TRPC5: variants seen among roughly 807,000 people sequenced by gnomAD.
The protein encoded by TRPC5 is short transient receptor potential channel 5.
A neutral mutation model predicts 56.5 loss-of-function variants in TRPC5; 9 were observed. The ratio of observed to expected loss-of-function variants is 0.16; its 90% CI spans 0.10 to 0.28. The LOEUF is 0.28. Ranked by LOEUF, TRPC5 falls within the 10% of genes least tolerant of loss-of-function variation. The probability of loss-of-function intolerance (pLI) is 1.00; values close to 1 mark genes in which losing one functional copy is unlikely to be tolerated. For synonymous variants in TRPC5, 282 were observed against 278.5 expected, an observed-to-expected ratio of 1.01 and a Z score of -0.13; for missense variants, 469 against 748.9, an observed-to-expected ratio of 0.63 and a Z score of 4.36.
At chrX:111,884,072 G>A (rs1924357007) in intron 3 of TRPC5, among the ~76,000 whole-genome samples, 1 of 112,380 alleles carries the variant, frequency 8.9e-6, no homozygotes, top group Non-Finnish European at 1.9e-5. Context: ...TCAGAGCCTA[G>A]GTAAGGCTTA....
chrX:112,076,881 T>C (rs1299548687), intron 1 of TRPC5, among the ~76,000 whole-genome samples: 6 of 112,119 alleles, frequency 5.4e-5, no homozygotes, highest in Non-Finnish European at 9.4e-5. Context: ...TTGTATATCT[T>C]AGCATTCTAT....
intron 7 of TRPC5, among the ~76,000 whole-genome samples, chrX:111,786,462 T>C (rs773918397): frequency 1.8e-5 from 2 of 111,591 alleles, no homozygotes; most frequent in Non-Finnish European, 3.8e-5. Flanking sequence ...TGCAAAAATA[T>C]GCCAAATTGT....
chrX:111,803,454 T>C (rs928547529), intron 7 of TRPC5, among the ~76,000 whole-genome samples: 29 of 112,202 alleles, frequency 2.6e-4, no homozygotes, highest in African/African-American at 8.8e-4. Flanking sequence ...CTGGTTGAAC[T>C]AATTTACACT....
chrX:111,957,446 T>C (rs1193269926), intron 1 of TRPC5, among the ~76,000 whole-genome samples: 2 of 112,425 alleles, frequency 1.8e-5, no homozygotes, highest in African/African-American at 6.5e-5. Flanking sequence ...AAATGTTTTG[T>C]ATACATTATT....
Position 112,036,963 on chromosome X carries a change from A to G in TRPC5, c.-22+44916T>C, listed in dbSNP as rs144688794. Among the ~76,000 whole-genome samples the G allele has an allele frequency of 8.1e-3, 905 of 111,167 alleles. 7 individuals carry two copies. Among genetic ancestry groups the G allele is most frequent in the African/African-American group, 0.028 (861 of 30,516 alleles). On this transcript the variant is annotated intron_variant, in intron 1 of 10. Transcript: ENST00000262839. ...TGACTGTTGCTGAGTAGTGAGAAAG[A>G]CTCTACTAATGATCAAGGCAATGGG...
intron 7 of TRPC5, among the ~76,000 whole-genome samples, chrX:111,819,133 G>A (rs1921955298): frequency 9.0e-6 from 1 of 111,609 alleles, no homozygotes; most frequent in African/African-American, 3.3e-5. Context: ...CCGGCATCAG[G>A]AAGGTTCCTG....
intron 1 of TRPC5, among the ~76,000 whole-genome samples, chrX:111,969,069 T>A (rs1927706466): frequency 9.3e-6 from 1 of 107,266 alleles, no homozygotes; most frequent in Non-Finnish European, 1.9e-5. Context: ...CAAAAAAAAT[T>A]GCCACAGCCA....
intron 1 of TRPC5, among the ~76,000 whole-genome samples, chrX:112,038,757 C>T (rs911929625): frequency 3.7e-5 from 4 of 109,404 alleles, no homozygotes; most frequent in African/African-American, 1.3e-4. Flanking sequence ...TCTCGGCTCA[C>T]TGCAAGCTCC....
chrX:112,054,488 G>A (rs1930293552), intron 1 of TRPC5, among the ~76,000 whole-genome samples: 1 of 110,413 alleles, frequency 9.1e-6, no homozygotes, highest in Non-Finnish European at 1.9e-5. Context: ...TCAAGATGTG[G>A]GTAAACATAC....
At chrX:112,063,070 A>G (rs1930496107) in intron 1 of TRPC5, among the ~76,000 whole-genome samples, 2 of 112,024 alleles carry the variant, frequency 1.8e-5, no homozygotes, top group African/African-American at 6.5e-5. Context: ...GAGACTGAGG[A>G]ATAGTGGTGG....
intron 1 of TRPC5, among the ~76,000 whole-genome samples, chrX:111,957,528 G>C (rs1388992201): frequency 8.9e-6 from 1 of 111,890 alleles, no homozygotes; most frequent in Non-Finnish European, 1.9e-5. Context: ...CTGAAGCACA[G>C]AGAGGTTAAG....
At chrX:111,894,764 A>C (rs1924977929) in intron 3 of TRPC5, among the ~76,000 whole-genome samples, 1 of 111,521 alleles carries the variant, frequency 9.0e-6, no homozygotes, top group Admixed American at 9.5e-5. Flanking sequence ...GCATATAGTA[A>C]ATTGCGCAAA....
intron 1 of TRPC5, among the ~76,000 whole-genome samples, chrX:112,071,368 T>C (rs1480502036): frequency 9.0e-6 from 1 of 110,913 alleles, no homozygotes; most frequent in South Asian, 3.8e-4. Flanking sequence ...ATGAGATAAA[T>C]ACCATTTTAA....
At chrX:112,000,131 A>G (rs889822262) in intron 1 of TRPC5, among the ~76,000 whole-genome samples, 12 of 111,958 alleles carry the variant, frequency 1.1e-4, no homozygotes, top group African/African-American at 3.9e-4. Context: ...TGCCACTGTG[A>G]TATTAATCTT....
chrX:111,818,048 C>G (rs1921916452), intron 7 of TRPC5, among the ~76,000 whole-genome samples: 1 of 111,307 alleles, frequency 9.0e-6, no homozygotes, highest in African/African-American at 3.3e-5. Context: ...ACATCAATAC[C>G]CACTGAACAA....
At position 111,776,996 on chromosome X, in the gene TRPC5, T is replaced by C; in HGVS notation, c.2239A>G (p.Lys747Glu). ...TACCGAAAGCTGGAGATGTCTTGCT[T>C]TAATTCCTGGGAAAAGAGAGGAGAC... is the stretch of plus-strand genomic sequence containing the variant. ...GLTEENFKELKQDISSFRYEV... is the reference protein window; with the variant it reads ...GLTEENFKELEQDISSFRYEV... Residue 747 changes from lysine to glutamate, a missense_variant, in exon 11 of 11, where the codon AAG becomes GAG. This residue lies in a region of TRPC5 where 194 missense variants were observed against 221.8 expected (regional missense o/e 0.87). Coordinates refer to ENST00000262839, the MANE Select transcript of TRPC5 (RefSeq NM_012471.3). The C allele has an allele frequency of 8.8e-7, 1 of 1,131,641 alleles. No individual in the cohort carries two copies. Among genetic ancestry groups the C allele is most frequent in the Non-Finnish European group, 1.2e-6 (1 of 857,661 alleles). 93.3% of individuals were successfully genotyped at this position (1,131,641 alleles called of 1,213,427 possible). A position where few individuals can be genotyped will look rare whatever the true frequency, so the allele number is the denominator to read the frequency against.
intron 1 of TRPC5, among the ~76,000 whole-genome samples, chrX:112,057,588 C>T (rs957757175): frequency 8.9e-6 from 1 of 111,809 alleles, no homozygotes; most frequent in African/African-American, 3.3e-5. Flanking sequence ...ATTGATTCCA[C>T]GTTCCTATGT....
chrX:111,865,068 G>A (rs57523725), intron 3 of TRPC5, among the ~76,000 whole-genome samples: 10,940 of 110,193 alleles, frequency 0.099, 1,304 homozygotes, highest in African/African-American at 0.33. Flanking sequence ...TCAGCTCACT[G>A]CAATCTCCAC....
chrX:111,818,571 C>A (rs1389253328), intron 7 of TRPC5, among the ~76,000 whole-genome samples: 2 of 108,099 alleles, frequency 1.9e-5, no homozygotes, highest in African/African-American at 6.7e-5. Context: ...GTAGCATCAG[C>A]AATATTACCT....
Sources: allele counts gnomAD v4.1 joint callset (sites outside exome capture counted in the v4.1 genomes callset), GRCh38; gene constraint gnomAD v4.1.1; regional missense constraint gnomAD v4.1.1; transcripts MANE v1.5; gene names NCBI Gene and HGNC (gene_info 2026-07-23, HGNC 2026-07-21).